CHEK1: variants seen among roughly 807,000 people sequenced by gnomAD.
CHEK1 encodes the protein checkpoint kinase 1.
Under a neutral mutation model 60.2 loss-of-function variants are expected in CHEK1, and 32 were observed. The observed-to-expected ratio is 0.53, with a 90% CI of 0.40 to 0.71. The LOEUF (loss-of-function observed/expected upper bound fraction) is 0.71. Ranked by LOEUF, CHEK1 falls within the 30% of genes least tolerant of loss-of-function variation. CHEK1 has a pLI of 0.00. For synonymous variants in CHEK1, 179 were observed against 187.2 expected (o/e 0.96, Z 0.36); for missense variants, 399 against 564.6 (o/e 0.71, Z 2.97).
chr11:125,672,780 T>C (rs1942265134), intron 13 of CHEK1: 1 of 1,596,112 alleles, frequency 6.3e-7, no homozygotes, highest in South Asian at 1.1e-5. Context: ...AGCCTTTATC[T>C]GTGATGCTCA....
rs1304849846 is a variant in CHEK1, at chr11:125,647,868, C to G, written c.1233+3225C>G. 2.0e-5 allele frequency among the ~76,000 whole-genome samples: 3 copies of G among 152,112 alleles called. No homozygotes were observed. In the East Asian group the frequency reaches 5.8e-4, roughly 29 times the overall value. The stretch of plus-strand genomic sequence containing the variant: ...TTGAACTATCAGAAAGCAAACCTGT[C>G]AGGTATGAAATTTTCAGTTTGTCAC... On this transcript the variant is annotated intron_variant, in intron 11 of 12. Coordinates refer to ENST00000438015, the MANE Select transcript of CHEK1 (RefSeq NM_001114122.3).
At chr11:125,660,281 G>C (rs149862626), downstream of CHEK1, among the ~76,000 whole-genome samples, 2 of 152,280 alleles carry the variant, frequency 1.3e-5, no homozygotes, top group African/African-American at 4.8e-5. Flanking sequence ...AATTAACTGA[G>C]TTAATCATAT....
chr11:125,649,681 A>G, intron 11 of CHEK1: 1 of 152,988 alleles, frequency 6.5e-6, no homozygotes, highest in Admixed American at 6.6e-5. Flanking sequence ...GTGAGTCGTG[A>G]TCTGATTGCA....
chr11:125,637,663 A>G (rs1941128167), intron 8 of CHEK1, 119 bp downstream of exon 8: 2 of 552,416 alleles, frequency 3.6e-6, no homozygotes, highest in Non-Finnish European at 3.1e-6. Context: ...TGGAGATTAT[A>G]ATGTCCAGTA....
Position 125,643,804 on chromosome 11 carries a change from C to G in CHEK1, c.827C>G (p.Pro276Arg). The G allele has an allele frequency of 6.2e-7, 1 of 1,613,124 alleles. No homozygotes were observed. The highest frequency in any genetic ancestry group is 8.5e-7 in the Non-Finnish European group (1 of 1,179,722). ...TTTTCTTTTTTAGGGGCAAAAAGGC[C>G]CCGAGTCACTTCAGGTGGTGTGTCA... The part of the protein sequence containing the change: ...NKPLKKGAKR[P>R]RVTSGGVSES... Residue 276 changes from proline to arginine, a missense_variant, in exon 9 of 13, where the codon CCC (proline) becomes CGC (arginine). Around this residue, in one of 2 missense-constraint regions of CHEK1, gnomAD observed 370 missense variants for 494.8 expected, o/e 0.75. Coordinates refer to ENST00000438015, the MANE Select transcript of CHEK1 (RefSeq NM_001114122.3).
At chr11:125,639,543 A>G (rs996050628) in intron 8 of CHEK1, among the ~76,000 whole-genome samples, 1 of 151,520 alleles carries the variant, frequency 6.6e-6, no homozygotes, top group Non-Finnish European at 1.5e-5. Context: ...CACCTGGCTA[A>G]TTTTTATATT....
At chr11:125,646,217 A>G (rs1260387945) in intron 11 of CHEK1, among the ~76,000 whole-genome samples, 1 of 152,130 alleles carries the variant, frequency 6.6e-6, no homozygotes, top group Non-Finnish European at 1.5e-5. Context: ...GACATTTTAT[A>G]TAAATGGAAT....
chr11:125,661,779 T>C (rs1454590413), downstream of CHEK1, among the ~76,000 whole-genome samples: 1 of 152,186 alleles, frequency 6.6e-6, no homozygotes, highest in Non-Finnish European at 1.5e-5. Flanking sequence ...TTTACACTTT[T>C]ATAATTTATA....
At position 125,644,147 on chromosome 11, in the gene CHEK1, T is replaced by A; in HGVS notation, c.980T>A (p.Leu327Ter). ...SQPEPRTGLS[L>*]WDTSPSYIDK... ...CCAGAACCCCGCACAGGTCTTTCCT[T>A]ATGGGATACCAGCCCCTCATACATT... Residue 327 changes from leucine to a stop codon, truncating the protein, a stop_gained, in exon 10 of 13, where the codon TTA becomes TAA. Transcript: ENST00000438015. LOFTEE classifies it high-confidence loss of function. 6.2e-7 allele frequency: 1 copy of A among 1,614,162 alleles called. No homozygotes were observed. The highest frequency in any genetic ancestry group is 8.5e-7 in the Non-Finnish European group (1 of 1,180,030).
At chr11:125,675,274 C>A (rs540037996) in intron 13 of CHEK1, among the ~76,000 whole-genome samples, 1 of 152,340 alleles carries the variant, frequency 6.6e-6, no homozygotes, top group African/African-American at 2.4e-5. Context: ...CACCTCTAAT[C>A]TTTCCTTTCC....
rs752458006 is a variant in CHEK1 at position 125,644,539 on chromosome 11, A to G, written c.1129A>G (p.Met377Val). The change falls in exon 11 of 13, where the codon ATG (methionine) becomes GTG (valine). Residue 377 changes from methionine (M) to valine (V), a missense_variant. Physicochemically the swap from Met to Val is conservative, Grantham distance 21. Around this residue, in one of 2 missense-constraint regions of CHEK1, gnomAD observed 370 missense variants for 494.8 expected, o/e 0.75. Transcript: ENST00000438015. ...QNPWQRLVKR[M>V]TRFFTKLDAD... is the part of the protein sequence containing the mutation. ...CCCCTGGCAGCGGTTGGTCAAAAGA[A>G]TGACACGATTCTTTACCAAATTGGA... The G allele has an allele frequency of 6.2e-7, 1 of 1,614,112 alleles. No individual in the cohort carries two copies. Among genetic ancestry groups the G allele is most frequent in the Non-Finnish European group, 8.5e-7 (1 of 1,180,016 alleles).
intron 8 of CHEK1, among the ~76,000 whole-genome samples, 179 bp downstream of exon 8, chr11:125,637,723 G>T (rs1459306442): frequency 2.0e-5 from 3 of 152,202 alleles, no homozygotes; most frequent in African/African-American, 7.2e-5. Context: ...AAAGGGGAAA[G>T]TCAGGGTACT....
intron 11 of CHEK1, among the ~76,000 whole-genome samples, chr11:125,646,334 G>T (rs563882651): frequency 6.6e-6 from 1 of 152,158 alleles, no homozygotes; most frequent in African/African-American, 2.4e-5. Flanking sequence ...ATAATATTCT[G>T]TTGTGTGTAT....
intron 5 of CHEK1, 111 bp downstream of exon 5, chr11:125,629,571 G>C: frequency 2.7e-6 from 2 of 748,552 alleles, no homozygotes; most frequent in Non-Finnish European, 4.1e-6. Flanking sequence ...AAGTCTTTTT[G>C]CATTACTGGA....
intron 8 of CHEK1, among the ~76,000 whole-genome samples, chr11:125,642,533 C>T (rs1393254809): frequency 1.3e-5 from 2 of 151,522 alleles, no homozygotes; most frequent in Admixed American, 6.6e-5. Flanking sequence ...AAATAAAAAG[C>T]AGGTTTAAAA....
chr11:125,643,500 G>GAA, intron 8 of CHEK1: 37 of 183,968 alleles, frequency 2.0e-4, no homozygotes, highest in East Asian at 5.2e-4. Flanking sequence ...CTCAAAAAAA[G>GAA]AAAAAAAAAA....
chr11:125,641,985 T>G (rs1261604416), intron 8 of CHEK1, among the ~76,000 whole-genome samples: 1 of 152,234 alleles, frequency 6.6e-6, no homozygotes, highest in Non-Finnish European at 1.5e-5. Context: ...GTTCCTTACA[T>G]TACCTCTCCA....
At chr11:125,666,235 T>C (rs1942097149) in intron 13 of CHEK1, among the ~76,000 whole-genome samples, 5 of 151,986 alleles carry the variant, frequency 3.3e-5, no homozygotes, top group Admixed American at 3.3e-4. Context: ...TAATTTTACT[T>C]CTAATTTTTT....
At chr11:125,636,720 CT>C (rs111879270) in intron 7 of CHEK1, among the ~76,000 whole-genome samples, 30 of 148,278 alleles carry the variant, frequency 2.0e-4, no homozygotes, top group East Asian at 9.8e-4. Flanking sequence ...CACTTTGAAG[CT>C]TTTTTTTTTC....
Sources: gnomAD v4.1 joint callset for allele counts (sites outside exome capture counted in the v4.1 genomes callset) on GRCh38, gnomAD v4.1.1 for gene constraint, gnomAD v4.1.1 regional missense constraint, MANE v1.5 for transcripts, NCBI Gene and HGNC (gene_info 2026-07-23, HGNC 2026-07-21) for gene names.